The following EVC variants were observed in gnomAD, a reference collection of about 807,000 sequenced individuals.
EVC encodes the protein EvC ciliary complex subunit 1, also known as evC complex member EVC.
EVC carries 116 observed loss-of-function variants against 118.9 expected under a neutral mutation model. That is an observed-to-expected ratio of 0.98 (90% CI 0.84 to 1.14). The LOEUF (loss-of-function observed/expected upper bound fraction) is 1.14, where lower values mean the gene tolerates loss of function less well. EVC is among the 50% of genes most tolerant of loss of function. The probability of loss-of-function intolerance (pLI) is 0.00; values close to 1 mark genes in which losing one functional copy is unlikely to be tolerated. For missense variants in EVC, 1,401 were observed against 1,246.4 expected, an observed-to-expected ratio of 1.12 and a Z score of -1.87; for synonymous variants, 619 against 534.7, an observed-to-expected ratio of 1.16 and a Z score of -2.18.
chr4:5,823,949 T>C, the EVC span, among the ~76,000 whole-genome samples: 3 of 152,210 alleles, frequency 2.0e-5, no homozygotes, highest in Non-Finnish European at 2.9e-5. Flanking sequence ...AGCATCTGTG[T>C]TGTTGGTACC....
chr4:5,723,249 G>C (rs1051900563), intron 2 of EVC, among the ~76,000 whole-genome samples: 4 of 151,194 alleles, frequency 2.6e-5, no homozygotes, highest in Non-Finnish European at 4.4e-5. Context: ...GAGTGCAGTG[G>C]TGCGATCTCG....
At chr4:5,783,473 A>G in intron 11 of EVC, 79 bp from the exon 12 acceptor site, 1 of 1,371,122 alleles carries the variant, frequency 7.3e-7, no homozygotes, top group East Asian at 2.3e-5. Context: ...AGGCTTGTGG[A>G]GGAGAGGCAG....
At chr4:5,774,726 C>T (rs1227165544) in intron 11 of EVC, among the ~76,000 whole-genome samples, 1 of 152,102 alleles carries the variant, frequency 6.6e-6, no homozygotes, top group African/African-American at 2.4e-5. Context: ...AGGGGATAGC[C>T]TCCTAAGCTT....
rs57482108 is a variant in EVC, at chr4:5,749,341, GAAAAAA to G, written c.1098+1049_1098+1054del. Among the ~76,000 whole-genome samples the G allele has an allele frequency of 8.2e-6, 1 of 121,880 alleles. No individual in the cohort carries two copies. Among genetic ancestry groups the G allele is most frequent in the African/African-American group, 3.2e-5 (1 of 31,282 alleles). The allele number at this position is 121,880 out of a possible 152,430, so 80.0% of individuals were successfully genotyped here. A position where few individuals can be genotyped will look rare whatever the true frequency, so the allele number is the denominator to read the frequency against. On this transcript the variant is annotated intron_variant, in intron 8 of 20. Transcript: ENST00000264956. This position sits in a 1 kb window ranked among gnomAD's most constrained non-coding sequence, Gnocchi z 4.4. ...TAACACTAACGATAGCTGATGAGCG[GAAAAAA>G]AAAAAAAAAAAAAGGTCCCTCCTTA... is the stretch of plus-strand genomic sequence containing the variant.
At chr4:5,788,119 TC>T (rs1712058159) in intron 12 of EVC, among the ~76,000 whole-genome samples, 1 of 152,166 alleles carries the variant, frequency 6.6e-6, no homozygotes, top group Admixed American at 6.5e-5. Context: ...GTCTCAGTGA[TC>T]CCATCCAGTC....
At position 5,813,664 on chromosome 4, in the gene EVC, G is replaced by A. The variant is rs1717250027; in HGVS notation, c.*2627G>A. Reference sequence around the variant, plus strand: ...TGAGCCCAGAGCTCTGAAAGCATCTGTGGAATGATCACGGGACCCTTCTCC... The same window carrying A: ...TGAGCCCAGAGCTCTGAAAGCATCTATGGAATGATCACGGGACCCTTCTCC... On this transcript the variant is annotated 3_prime_UTR_variant, in exon 21 of 21. Transcript: ENST00000264956. The A allele has an allele frequency of 6.6e-6, 1 of 152,186 alleles. No homozygotes were observed. Among genetic ancestry groups the A allele is most frequent in the South Asian group, 2.1e-4 (1 of 4,828 alleles). The allele number at this position is 152,186 out of a possible 1,614,324, so 9.4% of individuals were successfully genotyped here. A position where few individuals can be genotyped will look rare whatever the true frequency, so the allele number is the denominator to read the frequency against.
the EVC span, chr4:5,825,661 T>C: frequency 6.2e-7 from 1 of 1,612,418 alleles, no homozygotes; most frequent in Non-Finnish European, 8.5e-7. The surrounding 1 kb of genome is among the most constrained non-coding windows in gnomAD (Gnocchi z 4.4). Context: ...TCCAAAAACC[T>C]AAACAGAGGA....
Position 5,811,130 on chromosome 4 carries a change from G to A in EVC, c.*93G>A. ...GCAGTGCTGAGAGGCAGCGAGGACG[G>A]AGAGGACAGCGGCATCTCTAGGCTC... On this transcript the variant is annotated 3_prime_UTR_variant, in exon 21 of 21. Coordinates refer to ENST00000264956, the MANE Select transcript of EVC (RefSeq NM_153717.3). 3.9e-6 allele frequency: 4 copies of A among 1,015,094 alleles called. No homozygotes were observed. In the East Asian group the frequency reaches 7.8e-5, roughly 20 times the overall value. The allele number at this position is 1,015,094 out of a possible 1,614,324, so 62.9% of individuals were successfully genotyped here. A position where few individuals can be genotyped will look rare whatever the true frequency, so the allele number is the denominator to read the frequency against.
intron 15 of EVC, among the ~76,000 whole-genome samples, chr4:5,800,861 G>C (rs867716731): frequency 7.1e-6 from 1 of 141,752 alleles, no homozygotes; most frequent in Non-Finnish European, 1.6e-5. Context: ...TCCGCGCCGC[G>C]CCACACCTGT....
intron 5 of EVC, among the ~76,000 whole-genome samples, chr4:5,739,367 C>T (rs1420682535): frequency 2.0e-5 from 3 of 152,156 alleles, no homozygotes; most frequent in Non-Finnish European, 4.4e-5. Flanking sequence ...GGTTGGTGGG[C>T]AGAATTCTGG....
chr4:5,799,137 C>T (rs768378589), intron 15 of EVC, among the ~76,000 whole-genome samples: 4 of 152,114 alleles, frequency 2.6e-5, no homozygotes, highest in Non-Finnish European at 5.9e-5. Flanking sequence ...AACCCAAATC[C>T]CTCTCTCAGA....
intron 2 of EVC, among the ~76,000 whole-genome samples, chr4:5,724,325 G>A (rs1047337255): frequency 6.6e-6 from 1 of 152,228 alleles, no homozygotes; most frequent in African/African-American, 2.4e-5. Flanking sequence ...TTGGTGGTCG[G>A]TTGGATGTGG....
intron 5 of EVC, among the ~76,000 whole-genome samples, chr4:5,739,278 C>A (rs1009602024): frequency 2.6e-4 from 40 of 152,098 alleles, no homozygotes; most frequent in African/African-American, 9.2e-4. Context: ...ATATCTTATA[C>A]CATATCAGTC....
At chr4:5,804,233 C>T (rs544186721) in intron 16 of EVC, among the ~76,000 whole-genome samples, 168 of 152,242 alleles carry the variant, frequency 1.1e-3, no homozygotes, top group South Asian at 4.8e-3. Flanking sequence ...CCACCTCGCC[C>T]GGCCTCACTT....
At chr4:5,803,943 CTT>C (rs10600187) in intron 16 of EVC, among the ~76,000 whole-genome samples, 18,601 of 142,300 alleles carry the variant, frequency 0.13, 1,268 homozygotes, top group African/African-American at 0.18. Context: ...GCCTCATCAC[CTT>C]TTTTTTTTTT....
At chr4:5,783,815 C>T (rs377620957) in intron 12 of EVC, 51 bp downstream of exon 12, 36 of 1,510,732 alleles carry the variant, frequency 2.4e-5, no homozygotes, top group Non-Finnish European at 3.0e-5. Flanking sequence ...TAGAAACACA[C>T]GAAGAAGCGT....
chr4:5,714,104 T>G (rs114180821), intron 1 of EVC, among the ~76,000 whole-genome samples: 173 of 152,324 alleles, frequency 1.1e-3, no homozygotes, highest in African/African-American at 4.1e-3. Flanking sequence ...TGCGCGGTCC[T>G]TTCTTAGACT....
At position 5,795,243 on chromosome 4, in the gene EVC, C is replaced by G. The variant is rs892172993; in HGVS notation, c.1886+1526C>G. On this transcript the variant is annotated intron_variant, in intron 13 of 20. Transcript: ENST00000264956. The stretch of plus-strand genomic sequence containing the variant: ...AATTTATTTTCAATTTATTTTCTTT[C>G]AGGTATCAATATAACTATTTTTTAG... 5.3e-5 allele frequency among the ~76,000 whole-genome samples: 8 copies of G among 152,278 alleles called. No individual in the cohort carries two copies. In the South Asian group the frequency reaches 1.5e-3, roughly 28 times the overall value.
Position 5,795,053 on chromosome 4 carries a change from A to G in EVC, c.1886+1336A>G, listed in dbSNP as rs958025138. 4.6e-5 allele frequency among the ~76,000 whole-genome samples: 7 copies of G among 152,178 alleles called. No individual in the cohort carries two copies. The East Asian group carries it at 7.7e-4, about 17-fold the overall frequency. On this transcript the variant is annotated intron_variant, in intron 13 of 20. Coordinates refer to ENST00000264956, the MANE Select transcript of EVC (RefSeq NM_153717.3). ...TTCCAGCTGCATCCATGTTACTGCAAATAACATGATTTCATTATTTTTTAT... is the reference window on the plus strand; with the variant it reads ...TTCCAGCTGCATCCATGTTACTGCAGATAACATGATTTCATTATTTTTTAT...
Sources: allele counts gnomAD v4.1 joint callset (sites outside exome capture counted in the v4.1 genomes callset), GRCh38; gene constraint gnomAD v4.1.1; non-coding constraint Gnocchi (gnomAD v3.1); transcripts MANE v1.5; gene names NCBI Gene and HGNC (gene_info 2026-07-23, HGNC 2026-07-21).